Variants in NLGN1 observed in about 807,000 individuals in gnomAD.
NLGN1 encodes neuroligin-1.
A neutral mutation model predicts 65.5 loss-of-function variants in NLGN1; 12 were observed. The ratio of observed to expected loss-of-function variants is 0.18; its 90% CI spans 0.12 to 0.30. The LOEUF (loss-of-function observed/expected upper bound fraction) is 0.30, where lower values mean the gene tolerates loss of function less well. Among genes scored for constraint, NLGN1 ranks in the 10% least tolerant of loss-of-function variants. The pLI, the probability that NLGN1 is intolerant of heterozygous loss-of-function variation, is 1.00. For synonymous variants in NLGN1, 350 were observed against 359.5 expected (o/e 0.97, Z 0.30); for missense variants, 750 against 1,007.1 (o/e 0.74, Z 3.46).
intron 4 of NLGN1, 149 bp from the exon 5 acceptor site, chr3:174,275,166 A>G: frequency 1.6e-6 from 1 of 619,118 alleles, no homozygotes; most frequent in South Asian, 2.2e-5. Context: ...TTGCTAAAGT[A>G]AATTCTTTTG....
chr3:173,470,373 A>G (rs1053301807), intron 2 of NLGN1, among the ~76,000 whole-genome samples: 12 of 152,020 alleles, frequency 7.9e-5, no homozygotes, highest in African/African-American at 2.9e-4. Context: ...TCCTCCAGAT[A>G]TATACATTTC....
intron 4 of NLGN1, among the ~76,000 whole-genome samples, chr3:173,904,132 A>G (rs937632202): frequency 5.9e-5 from 9 of 152,172 alleles, no homozygotes; most frequent in Non-Finnish European, 2.9e-5. Context: ...GAAAAGTCAA[A>G]CTATCAATGG....
intron 3 of NLGN1, among the ~76,000 whole-genome samples, chr3:173,756,753 T>A (rs1777188101): frequency 8.3e-6 from 1 of 119,912 alleles, no homozygotes; most frequent in Admixed American, 1.0e-4. Context: ...ATACAAAGAC[T>A]AATGGATAAA....
intron 2 of NLGN1, among the ~76,000 whole-genome samples, chr3:173,516,351 A>G (rs1330289439): frequency 6.6e-6 from 1 of 152,008 alleles, no homozygotes; most frequent in Non-Finnish European, 1.5e-5. Flanking sequence ...ACCTTTTCAT[A>G]TACTGTCTTC....
At chr3:174,255,378 G>A (rs971076918) in intron 4 of NLGN1, among the ~76,000 whole-genome samples, 1 of 145,624 alleles carries the variant, frequency 6.9e-6, no homozygotes. Context: ...GGAGCTTGCA[G>A]TGAGCCGAGA....
Position 174,186,538 on chromosome 3 carries a change from T to G in NLGN1, c.647-88777T>G, listed in dbSNP as rs1731433611. 2.0e-5 allele frequency among the ~76,000 whole-genome samples: 3 copies of G among 151,982 alleles called. No homozygotes were observed. In the South Asian group the frequency reaches 6.2e-4, roughly 31 times the overall value. On this transcript the variant is annotated intron_variant, in intron 4 of 6. Transcript: ENST00000457714. ...GATTTATCATTCTGATACATCAGAG[T>G]CTGGTTTATATTTGCCAGCCAGTGT...
intron 4 of NLGN1, among the ~76,000 whole-genome samples, chr3:173,922,842 G>A (rs1390472397): frequency 6.6e-6 from 1 of 152,012 alleles, no homozygotes; most frequent in Non-Finnish European, 1.5e-5. Flanking sequence ...GACTGCTTGG[G>A]GTTAAATTCC....
intron 4 of NLGN1, among the ~76,000 whole-genome samples, chr3:173,954,675 C>A (rs1711551160): frequency 6.6e-6 from 1 of 152,048 alleles, no homozygotes; most frequent in Non-Finnish European, 1.5e-5. Context: ...GTAGAACTGA[C>A]TATTGCTCAC....
intron 4 of NLGN1, among the ~76,000 whole-genome samples, chr3:173,877,482 GAAA>G (rs200372030): frequency 1.4e-5 from 2 of 139,822 alleles, no homozygotes; most frequent in Admixed American, 7.2e-5. Flanking sequence ...CTAAAACAGA[GAAA>G]AAAAAAAAGT....
At chr3:173,689,725 C>T (rs1468648159) in intron 3 of NLGN1, among the ~76,000 whole-genome samples, 1 of 152,106 alleles carries the variant, frequency 6.6e-6, no homozygotes, top group Non-Finnish European at 1.5e-5. Context: ...AATCCAGATC[C>T]TCCCACTCTA....
At chr3:174,118,446 TAAG>T (rs1223234692) in intron 4 of NLGN1, among the ~76,000 whole-genome samples, 1 of 152,106 alleles carries the variant, frequency 6.6e-6, no homozygotes, top group Non-Finnish European at 1.5e-5. Flanking sequence ...AAACAAATAA[TAAG>T]AAGAAGATAT....
At chr3:173,948,821 T>G (rs1008088284) in intron 4 of NLGN1, among the ~76,000 whole-genome samples, 6 of 152,192 alleles carry the variant, frequency 3.9e-5, no homozygotes, top group African/African-American at 1.4e-4. Context: ...ATTCCATGAT[T>G]GGACATTATA....
intron 2 of NLGN1, among the ~76,000 whole-genome samples, chr3:173,486,149 A>C: frequency 6.6e-6 from 1 of 150,902 alleles, no homozygotes; most frequent in African/African-American, 2.4e-5. Flanking sequence ...GGTTCAAGCG[A>C]CTCTCCTGCC....
At chr3:174,203,680 A>G (rs1415999964) in intron 4 of NLGN1, among the ~76,000 whole-genome samples, 1 of 152,222 alleles carries the variant, frequency 6.6e-6, no homozygotes, top group Non-Finnish European at 1.5e-5. Context: ...ATAGGATGCC[A>G]TCTTATGTGA....
At chr3:173,618,445 C>T (rs1753480014) in intron 3 of NLGN1, among the ~76,000 whole-genome samples, 1 of 152,140 alleles carries the variant, frequency 6.6e-6, no homozygotes, top group Non-Finnish European at 1.5e-5. Flanking sequence ...GATCCTCCTT[C>T]CTCGGGCTCC....
intron 4 of NLGN1, among the ~76,000 whole-genome samples, chr3:174,250,242 T>C (rs1744529727): frequency 6.6e-6 from 1 of 152,196 alleles, no homozygotes; most frequent in Non-Finnish European, 1.5e-5. Flanking sequence ...GCCAAGTGCC[T>C]AGCACAGAGT....
At chr3:174,028,489 C>G (rs1729290800) in intron 4 of NLGN1, among the ~76,000 whole-genome samples, 2 of 152,146 alleles carry the variant, frequency 1.3e-5, no homozygotes, top group Admixed American at 1.3e-4. Flanking sequence ...AGTTGTGGAA[C>G]TTTGAACTTG....
chr3:173,430,367 G>A (rs1716953107), intron 1 of NLGN1, among the ~76,000 whole-genome samples: 1 of 152,100 alleles, frequency 6.6e-6, no homozygotes. Flanking sequence ...ACTCCATTTT[G>A]ATAATATCAC....
chr3:174,062,610 G>GA lies in NLGN1; in HGVS notation c.647-212703dup, dbSNP rs1225932364. Among the ~76,000 whole-genome samples, 7 of 151,786 alleles carry GA rather than the reference G, an allele frequency of 4.6e-5. No homozygotes were observed. In the East Asian group the frequency reaches 1.4e-3, roughly 29 times the overall value. ...CAGAATGTTACATGACAGCCCTTTA[G>GA]AATCAGAATAGTGTATGTCATATAT... On this transcript the variant is annotated intron_variant, in intron 4 of 6. Coordinates refer to ENST00000457714, the Ensembl canonical transcript of NLGN1.
Sources: gnomAD v4.1 joint callset for allele counts (sites outside exome capture counted in the v4.1 genomes callset) on GRCh38, gnomAD v4.1.1 for gene constraint, MANE v1.5 for transcripts, NCBI Gene and HGNC (gene_info 2026-07-23, HGNC 2026-07-21) for gene names.